The following GRM8 variants were observed in gnomAD, a reference collection of about 807,000 sequenced individuals.
GRM8 encodes the protein metabotropic glutamate receptor 8.
Under a neutral mutation model 87.2 loss-of-function variants are expected in GRM8, and 47 were observed. The observed-to-expected ratio is 0.54, with a 90% confidence interval of 0.43 to 0.69. The LOEUF is 0.69. Ranked by LOEUF, GRM8 falls within the 30% of genes least tolerant of loss-of-function variation. The probability of loss-of-function intolerance (pLI) is 0.00; values close to 1 mark genes in which losing one functional copy is unlikely to be tolerated. For synonymous variants in GRM8, 396 were observed against 404.5 expected, an observed-to-expected ratio of 0.98 and a Z score of 0.25; for missense variants, 1,019 against 1,139.2, an observed-to-expected ratio of 0.89 and a Z score of 1.52.
intron 9 of GRM8, among the ~76,000 whole-genome samples, chr7:126,471,540 A>C (rs948324585): frequency 1.2e-3 from 175 of 151,982 alleles, no homozygotes; most frequent in Middle Eastern, 3.4e-3. Flanking sequence ...GTTCTCTTCC[A>C]TTGATCTATA....
chr7:126,875,997 C>T (rs943544763), intron 6 of GRM8, among the ~76,000 whole-genome samples: 5 of 152,084 alleles, frequency 3.3e-5, no homozygotes, highest in South Asian at 2.1e-4. Flanking sequence ...TTTAATGTGA[C>T]GTTTATCCTG....
intron 2 of GRM8, among the ~76,000 whole-genome samples, chr7:127,137,488 G>C (rs1488825949): frequency 6.6e-6 from 1 of 152,078 alleles, no homozygotes; most frequent in Non-Finnish European, 1.5e-5. Context: ...TTTGGTAATT[G>C]CAGTTGGCTC....
intron 2 of GRM8, among the ~76,000 whole-genome samples, chr7:127,240,222 G>C (rs894714971): frequency 1.3e-5 from 2 of 152,138 alleles, no homozygotes; most frequent in African/African-American, 4.8e-5. Flanking sequence ...GAAGAATAGA[G>C]AAGAGAGAAG....
intron 7 of GRM8, among the ~76,000 whole-genome samples, chr7:126,697,814 G>T (rs1809539019): frequency 6.6e-6 from 1 of 152,030 alleles, no homozygotes; most frequent in African/African-American, 2.4e-5. Context: ...TATAGAAGGG[G>T]TGCCTAAGTG....
intron 6 of GRM8, among the ~76,000 whole-genome samples, chr7:126,782,991 C>T (rs1387252673): frequency 2.4e-4 from 37 of 152,182 alleles, no homozygotes; most frequent in Admixed American, 2.4e-3. Context: ...ACCTCCCTTG[C>T]TGCCTTCCAA....
chr7:127,042,875 G>A (rs1033200615), intron 3 of GRM8, among the ~76,000 whole-genome samples: 1 of 152,210 alleles, frequency 6.6e-6, no homozygotes, highest in Admixed American at 6.5e-5. Context: ...CTGACAAAGG[G>A]CTAATATCCA....
At chr7:126,522,718 G>C (rs546578763) in intron 9 of GRM8, among the ~76,000 whole-genome samples, 1 of 152,270 alleles carries the variant, frequency 6.6e-6, no homozygotes, top group Non-Finnish European at 1.5e-5. Context: ...CTAGGAGGCT[G>C]TTTGCATCTG....
intron 7 of GRM8, among the ~76,000 whole-genome samples, chr7:126,712,854 A>T (rs1477801962): frequency 6.6e-6 from 1 of 152,246 alleles, no homozygotes; most frequent in African/African-American, 2.4e-5. Flanking sequence ...AAAGCTCATC[A>T]TCACTTGTTG....
intron 9 of GRM8, among the ~76,000 whole-genome samples, chr7:126,507,541 G>A (rs1158503953): frequency 1.3e-5 from 2 of 151,922 alleles, no homozygotes; most frequent in East Asian, 2.0e-4. Context: ...TAATTTCTTT[G>A]GGTGAATTTA....
At chr7:126,465,443 A>G (rs1365367157) in intron 9 of GRM8, 1 of 151,828 alleles carries the variant, frequency 6.6e-6, no homozygotes, top group Non-Finnish European at 1.5e-5. Flanking sequence ...ATCTTTATAA[A>G]ATTGAATCTT....
chr7:126,758,322 GTAT>G (rs1563158379), intron 7 of GRM8, among the ~76,000 whole-genome samples: 1 of 152,184 alleles, frequency 6.6e-6, no homozygotes, highest in South Asian at 2.1e-4. Context: ...TATGAGCTAG[GTAT>G]TATTATTTTT....
At chr7:127,174,964 T>C (rs1794013911) in intron 2 of GRM8, among the ~76,000 whole-genome samples, 1 of 152,162 alleles carries the variant, frequency 6.6e-6, no homozygotes, top group South Asian at 2.1e-4. Context: ...GTGTTGAGTG[T>C]AATAGATCAG....
intron 9 of GRM8, among the ~76,000 whole-genome samples, chr7:126,480,582 G>C (rs1019549974): frequency 6.6e-6 from 1 of 151,912 alleles, no homozygotes; most frequent in African/African-American, 2.4e-5. Context: ...TATAAAGGGA[G>C]CCAAATTTCT....
chr7:126,788,815 A>G (rs950461935), intron 6 of GRM8, among the ~76,000 whole-genome samples: 1 of 146,760 alleles, frequency 6.8e-6, no homozygotes, highest in Non-Finnish European at 1.5e-5. Flanking sequence ...TCAGAGACAG[A>G]AAAAAAAAAA....
chr7:126,772,512 T>C (rs777229968), intron 6 of GRM8, among the ~76,000 whole-genome samples: 11 of 152,064 alleles, frequency 7.2e-5, no homozygotes, highest in Non-Finnish European at 1.5e-4. Flanking sequence ...ATCTGTCATT[T>C]CAACAACTCG....
At chr7:126,959,443 A>C (rs914767989) in intron 3 of GRM8, among the ~76,000 whole-genome samples, 2 of 152,202 alleles carry the variant, frequency 1.3e-5, no homozygotes, top group Non-Finnish European at 2.9e-5. Flanking sequence ...TTGATTGCTT[A>C]TTTGAGAGAT....
At chr7:126,816,396 A>G (rs1483154769) in intron 6 of GRM8, among the ~76,000 whole-genome samples, 1 of 152,124 alleles carries the variant, frequency 6.6e-6, no homozygotes, top group Non-Finnish European at 1.5e-5. Context: ...GGTAGTTTTA[A>G]TTTATTTTCA....
intron 2 of GRM8, among the ~76,000 whole-genome samples, chr7:127,212,699 G>C (rs1039851797): frequency 6.6e-6 from 1 of 152,174 alleles, no homozygotes; most frequent in Non-Finnish European, 1.5e-5. Flanking sequence ...TTACAGGCGT[G>C]AGCCACCGCG....
At chr7:126,605,994 C>T (rs1020666026) in intron 8 of GRM8, among the ~76,000 whole-genome samples, 3 of 152,180 alleles carry the variant, frequency 2.0e-5, no homozygotes, top group Admixed American at 2.0e-4. Context: ...CACCTTTTAA[C>T]AGAGTATGAG....
Sources: gnomAD v4.1 joint callset for allele counts (sites outside exome capture counted in the v4.1 genomes callset) on GRCh38, gnomAD v4.1.1 for gene constraint, MANE v1.5 for transcripts, NCBI Gene and HGNC (gene_info 2026-07-23, HGNC 2026-07-21) for gene names.